The following GPSM2 variants were observed in gnomAD, a reference collection of about 807,000 sequenced individuals.
The protein encoded by GPSM2 is G protein signaling modulator 2, also known as G protein-signaling modulator 2.
A neutral mutation model predicts 78.4 loss-of-function variants in GPSM2; 58 were observed. The ratio of observed to expected loss-of-function variants is 0.74; its 90% CI spans 0.60 to 0.92. The LOEUF (loss-of-function observed/expected upper bound fraction) is 0.92, where lower values mean the gene tolerates loss of function less well. Among genes scored for constraint, GPSM2 ranks in the 40% least tolerant of loss-of-function variants. The pLI, the probability that GPSM2 is intolerant of heterozygous loss-of-function variation, is 0.00. For missense variants in GPSM2, 700 were observed against 815.5 expected, an observed-to-expected ratio of 0.86 and a Z score of 1.73; for synonymous variants, 224 against 280.2, an observed-to-expected ratio of 0.80 and a Z score of 2.00.
At chr1:108,917,611 C>CACACACACATATAT (rs1312607573) in intron 11 of GPSM2, among the ~76,000 whole-genome samples, 1 of 22,712 alleles carries the variant, frequency 4.4e-5, no homozygotes, top group Non-Finnish European at 7.8e-5. Flanking sequence ...CACACACACA[C>CACACACACATATAT]ATATATATAT....
At position 108,890,439 on chromosome 1, in the gene GPSM2, A is replaced by C. The variant is rs1012993221; in HGVS notation, c.56+4861A>C. ...ATCTTAGAATTGTCCTTTTTCTGTG[A>C]TACAGTCTAGATCAAACATGGTTGC... is the stretch of plus-strand genomic sequence containing the variant. On this transcript the variant is annotated intron_variant, in intron 2 of 14. Transcript: ENST00000264126. Among the ~76,000 whole-genome samples, 5 of 152,292 alleles carry C rather than the reference A, an allele frequency of 3.3e-5. No homozygotes were observed. In the Middle Eastern group the frequency reaches 0.01, roughly 311 times the overall value.
At chr1:108,922,354 A>G in intron 12 of GPSM2, 63 bp from the exon 13 acceptor site, 1 of 1,179,596 alleles carries the variant, frequency 8.5e-7, no homozygotes, top group East Asian at 2.3e-5. Flanking sequence ...CATGATGTTC[A>G]TTGATGATCT....
At chr1:108,877,693 G>T (rs1051490163) in intron 1 of GPSM2, 1 of 152,054 alleles carries the variant, frequency 6.6e-6, no homozygotes, top group Non-Finnish European at 1.5e-5. Flanking sequence ...GCAAATACCT[G>T]CCTTGACCGT....
chr1:108,929,929 G>A lies in GPSM2; in HGVS notation c.2044G>A (p.Ala682Thr). The change falls in exon 15 of 15, where the codon GCA becomes ACA. Residue 682 changes from alanine (A) to threonine (T), a missense_variant. Transcript: ENST00000264126. ...LEFKNSGKKS[A>T]DH The stretch of plus-strand genomic sequence containing the variant: ...GTTTAAAAATTCAGGGAAAAAATCG[G>A]CAGACCATTAGTTACTATGGATTTA... The A allele has an allele frequency of 6.2e-7, 1 of 1,613,342 alleles. No individual in the cohort carries two copies. The highest frequency in any genetic ancestry group is 1.7e-5 in the Admixed American group (1 of 59,988).
At chr1:108,925,785 G>T (rs78564174) in intron 14 of GPSM2, among the ~76,000 whole-genome samples, 4,275 of 152,108 alleles carry the variant, frequency 0.028, 68 homozygotes, top group Non-Finnish European at 0.044. Flanking sequence ...TGGGTTAAAT[G>T]GACCATTAGC....
At position 108,930,284 on chromosome 1, in the gene GPSM2, T is replaced by G. The variant is rs953845877; in HGVS notation, c.*344T>G. 4.9e-6 allele frequency: 1 copy of G among 202,772 alleles called. No individual in the cohort carries two copies. The highest frequency in any genetic ancestry group is 1.0e-5 in the Non-Finnish European group (1 of 100,054). 12.6% of individuals were successfully genotyped at this position (202,772 alleles called of 1,614,324 possible). A position where few individuals can be genotyped will look rare whatever the true frequency, so the allele number is the denominator to read the frequency against. On this transcript the variant is annotated 3_prime_UTR_variant, in exon 15 of 15. Transcript: ENST00000264126. Reference sequence around the variant, plus strand: ...TTATGGAAATAATTTTTTAACATCTTAATTGACAATGGCGTTTTTTTATAC... The same window carrying G: ...TTATGGAAATAATTTTTTAACATCTGAATTGACAATGGCGTTTTTTTATAC...
At position 108,901,896 on chromosome 1, in the gene GPSM2, A is replaced by T; in HGVS notation, c.904A>T (p.Ile302Phe). 4 of 1,611,276 alleles carry T rather than the reference A, an allele frequency of 2.5e-6. No individual in the cohort carries two copies. The highest frequency in any genetic ancestry group is 2.5e-6 in the Non-Finnish European group (3 of 1,177,408). ...TTTACTTCAAGACTATGAAAAGGCC[A>T]TTGATTATCATCTGAAGCACTTAGC... Reference protein sequence around the residue: ...YTLLQDYEKAIDYHLKHLAIA... With the variant: ...YTLLQDYEKAFDYHLKHLAIA... Residue 302 changes from isoleucine (I) to phenylalanine (F), a missense_variant, in exon 8 of 15, where the codon ATT (isoleucine) becomes TTT (phenylalanine). Physicochemically the swap from Ile to Phe is conservative, Grantham distance 21. Transcript: ENST00000264126.
intron 2 of GPSM2, among the ~76,000 whole-genome samples, chr1:108,889,739 G>A (rs577114194): frequency 2.6e-5 from 4 of 152,158 alleles, no homozygotes; most frequent in East Asian, 1.9e-4. Flanking sequence ...CTTGGAACCC[G>A]TCGTTTTGAC....
In GPSM2 at chr1:108,930,208, G is replaced by C. The variant is rs1479576038; in HGVS notation, c.*268G>C. ...GCAGCTTGTGAGATTACTTTACCTA[G>C]TGTTTATAAAGTAGGAAGTTAAGTG... is the stretch of plus-strand genomic sequence containing the variant. On this transcript the variant is annotated 3_prime_UTR_variant, in exon 15 of 15. Coordinates refer to ENST00000264126, the MANE Select transcript of GPSM2 (RefSeq NM_013296.5). 2.7e-6 allele frequency: 1 copy of C among 374,002 alleles called. No individual in the cohort carries two copies. Among genetic ancestry groups the C allele is most frequent in the African/African-American group, 2.0e-5 (1 of 48,808 alleles). 23.2% of individuals were successfully genotyped at this position (374,002 alleles called of 1,614,324 possible). A position where few individuals can be genotyped will look rare whatever the true frequency, so the allele number is the denominator to read the frequency against.
chr1:108,913,615 A>G (rs1306378197), intron 10 of GPSM2, among the ~76,000 whole-genome samples: 2 of 152,242 alleles, frequency 1.3e-5, no homozygotes, highest in Non-Finnish European at 2.9e-5. Context: ...TAAGAAATAC[A>G]TACATTTGTA....
In GPSM2 at chr1:108,885,572, G is replaced by A. The variant is rs773654932; in HGVS notation, c.50G>A (p.Arg17His). Residue 17 changes from arginine (R) to histidine (H), a missense_variant, in exon 2 of 15, where the codon CGT becomes CAT. Arg to His is a conservative substitution (Grantham distance 29). Transcript: ENST00000264126. The part of the protein sequence containing the change: ...SMREDHSFHV[R>H]YRMEASCLEL... ...AGAGAAGACCATTCTTTTCATGTTC[G>A]TTACAGGTAAGACTATTGCTGTCTT... 2.1e-5 allele frequency: 33 copies of A among 1,573,634 alleles called. No homozygotes were observed. The highest frequency in any genetic ancestry group is 2.7e-5 in the African/African-American group (2 of 74,160).
intron 10 of GPSM2, among the ~76,000 whole-genome samples, chr1:108,908,137 C>T (rs1402719172): frequency 1.3e-5 from 2 of 152,140 alleles, no homozygotes; most frequent in Non-Finnish European, 2.9e-5. Context: ...TTTGGGAGGC[C>T]AAGGCGAGCG....
chr1:108,905,441 T>C (rs1384644941), intron 10 of GPSM2, among the ~76,000 whole-genome samples: 2 of 152,202 alleles, frequency 1.3e-5, no homozygotes, highest in African/African-American at 4.8e-5. Flanking sequence ...TTTTACCAAA[T>C]ATATCATTCA....
rs186306231 is a variant in GPSM2 at position 108,911,838 on chromosome 1, A to C, written c.1193-2500A>C. On this transcript the variant is annotated intron_variant, in intron 10 of 14. Coordinates refer to ENST00000264126, the MANE Select transcript of GPSM2 (RefSeq NM_013296.5). ...TTTTTTTTTTTAAAGACAGGCTCTT[A>C]CTCTGTCACCAGGCGGAACTGCAGT... 5.6e-4 allele frequency among the ~76,000 whole-genome samples: 66 copies of C among 118,668 alleles called. 1 individual carries two copies. In the East Asian group the frequency reaches 0.012, roughly 22 times the overall value. The allele number at this position is 118,668 out of a possible 152,430, so 77.9% of individuals were successfully genotyped here. A position where few individuals can be genotyped will look rare whatever the true frequency, so the allele number is the denominator to read the frequency against.
intron 11 of GPSM2, among the ~76,000 whole-genome samples, chr1:108,916,865 C>T (rs1254074535): frequency 2.0e-5 from 3 of 152,192 alleles, no homozygotes; most frequent in Admixed American, 2.0e-4. Context: ...AAAAGGGAGA[C>T]TTCTAGGTTA....
Position 108,922,571 on chromosome 1 carries a change from T to C in GPSM2, c.1595T>C (p.Leu532Pro), listed in dbSNP as rs774771961. Residue 532 changes from leucine (L) to proline (P), a missense_variant, in exon 13 of 15, where the codon CTA becomes CCA. Transcript: ENST00000264126. ...TTSSTPPKMMLKTSSVPVVSP... is the reference protein window; with the variant it reads ...TTSSTPPKMMPKTSSVPVVSP... ...TCTTCCACTCCCCCTAAAATGATGC[T>C]AAAAAGTAAGTCATCTCTGTTTCTC... The C allele has an allele frequency of 2.0e-5, 33 of 1,611,168 alleles. No homozygotes were observed. Among genetic ancestry groups the C allele is most frequent in the Non-Finnish European group, 2.7e-5 (32 of 1,177,568 alleles).
chr1:108,908,758 C>G (rs1027465591), intron 10 of GPSM2, among the ~76,000 whole-genome samples: 2 of 151,118 alleles, frequency 1.3e-5, no homozygotes, highest in Non-Finnish European at 3.0e-5. Flanking sequence ...GTGGCTCATG[C>G]CTGTAATCCC....
rs1651951347 is a variant in GPSM2 at position 108,931,424 on chromosome 1, A to T, written c.*1484A>T. 1 of 1,550,992 alleles carries T rather than the reference A, an allele frequency of 6.4e-7. No homozygotes were observed. The highest frequency in any genetic ancestry group is 1.4e-5 in the African/African-American group (1 of 73,040). On this transcript the variant is annotated 3_prime_UTR_variant, in exon 15 of 15. Transcript: ENST00000264126. ...AGTAACACTGGATCACAGACTGCAAAGGCCCACGCTTGGAACAAGTTGCCA... is the reference window on the plus strand; with the variant it reads ...AGTAACACTGGATCACAGACTGCAATGGCCCACGCTTGGAACAAGTTGCCA...
intron 12 of GPSM2, among the ~76,000 whole-genome samples, chr1:108,920,729 A>T (rs1340489318): frequency 2.6e-5 from 4 of 152,086 alleles, no homozygotes; most frequent in Non-Finnish European, 4.4e-5. Context: ...GGGTATATAG[A>T]AATTCAGGGA....
Sources: allele counts gnomAD v4.1 joint callset (sites outside exome capture counted in the v4.1 genomes callset), GRCh38; gene constraint gnomAD v4.1.1; transcripts MANE v1.5; gene names NCBI Gene and HGNC (gene_info 2026-07-23, HGNC 2026-07-21).